UBASH3B: variants seen among roughly 807,000 people sequenced by gnomAD.
The protein encoded by UBASH3B is ubiquitin-associated and SH3 domain-containing protein B.
Under a neutral mutation model 83.4 loss-of-function variants are expected in UBASH3B, and 37 were observed. The observed-to-expected ratio is 0.44, with a 90% CI of 0.34 to 0.58. UBASH3B has a LOEUF of 0.58. UBASH3B is among the 20% of genes least tolerant of loss of function. UBASH3B has a pLI of 0.01. For missense variants in UBASH3B, 657 were observed against 827.2 expected (o/e 0.79, Z 2.52); for synonymous variants, 304 against 318.3 (o/e 0.96, Z 0.48).
chr11:122,664,738 T>C (rs1863491253), intron 1 of UBASH3B, among the ~76,000 whole-genome samples: 1 of 152,248 alleles, frequency 6.6e-6, no homozygotes, highest in South Asian at 2.1e-4. Flanking sequence ...TGAAGTGTCC[T>C]AGATGAACAT....
At chr11:122,713,247 T>C (rs116722852) in intron 1 of UBASH3B, among the ~76,000 whole-genome samples, 2,482 of 152,182 alleles carry the variant, frequency 0.016, 77 homozygotes, top group African/African-American at 0.055. Flanking sequence ...GAGGCTCACA[T>C]GGGATGAAGC....
At chr11:122,795,709 C>T (rs1861142686) in intron 7 of UBASH3B, among the ~76,000 whole-genome samples, 1 of 152,248 alleles carries the variant, frequency 6.6e-6, no homozygotes, top group African/African-American at 2.4e-5. Context: ...GGTCTGTCCA[C>T]ACACTTTAGA....
intron 4 of UBASH3B, 31 bp downstream of exon 4, chr11:122,779,726 GC>G (rs1860816968): frequency 4.3e-6 from 7 of 1,612,892 alleles, no homozygotes; most frequent in Non-Finnish European, 5.9e-6. Context: ...CCAGCCCTGG[GC>G]CCTGTCAATC....
intron 1 of UBASH3B, among the ~76,000 whole-genome samples, chr11:122,684,496 G>T (rs1193190481): frequency 5.3e-5 from 8 of 152,192 alleles, no homozygotes; most frequent in Non-Finnish European, 8.8e-5. Context: ...CCTGGAAGGG[G>T]TGACATATTA....
At chr11:122,763,439 G>C (rs2135978411) in intron 1 of UBASH3B, among the ~76,000 whole-genome samples, 1 of 152,312 alleles carries the variant, frequency 6.6e-6, no homozygotes, top group African/African-American at 2.4e-5. Context: ...CTCTTTATGG[G>C]TTGGAAAGCA....
At chr11:122,799,867 G>A (rs1235717404) in intron 10 of UBASH3B, among the ~76,000 whole-genome samples, 2 of 152,180 alleles carry the variant, frequency 1.3e-5, no homozygotes, top group African/African-American at 4.8e-5. Context: ...AAAGCAACAG[G>A]ATTAGACTGT....
At chr11:122,674,828 A>G (rs1241124440) in intron 1 of UBASH3B, among the ~76,000 whole-genome samples, 1 of 149,100 alleles carries the variant, frequency 6.7e-6, no homozygotes, top group African/African-American at 2.5e-5. Context: ...TTTTGGGTTC[A>G]AGCGATTCTC....
In UBASH3B at chr11:122,733,114, A is replaced by G. The variant is rs182577862; in HGVS notation, c.162-43105A>G. 2.0e-4 allele frequency among the ~76,000 whole-genome samples: 31 copies of G among 152,320 alleles called. No individual in the cohort carries two copies. The East Asian group carries it at 5.6e-3, about 27-fold the overall frequency. ...TCGAAGCCTTTGTGCTAAACAGAAA[A>G]TGCCAAAGGTCTTTGGATATGGGGA... On this transcript the variant is annotated intron_variant, in intron 1 of 13. Coordinates refer to ENST00000284273, the MANE Select transcript of UBASH3B (RefSeq NM_032873.5).
chr11:122,735,430 G>C (rs1860916311), intron 1 of UBASH3B, among the ~76,000 whole-genome samples: 1 of 152,168 alleles, frequency 6.6e-6, no homozygotes, highest in Non-Finnish European at 1.5e-5. Context: ...TGCAATGCTA[G>C]ATGAACAGGA....
intron 1 of UBASH3B, among the ~76,000 whole-genome samples, chr11:122,684,554 G>C (rs1241129389): frequency 6.6e-6 from 1 of 152,166 alleles, no homozygotes; most frequent in Non-Finnish European, 1.5e-5. Context: ...ATTTGGTTCA[G>C]TTTCCTGAAT....
chr11:122,777,228 C>G lies in UBASH3B; in HGVS notation c.402+18C>G. ...TCTTTATGGTGAGCGGCAGCGCCCC[C>G]ACCCCTGGGAAGCCTGGCTCCTAGG... On this transcript the variant is annotated intron_variant, in intron 3 of 13. Coordinates refer to ENST00000284273, the MANE Select transcript of UBASH3B (RefSeq NM_032873.5). 2 of 1,598,208 alleles carry G rather than the reference C, an allele frequency of 1.3e-6. No individual in the cohort carries two copies. The highest frequency in any genetic ancestry group is 1.7e-6 in the Non-Finnish European group (2 of 1,171,282).
chr11:122,715,464 G>A (rs904926161), intron 1 of UBASH3B, among the ~76,000 whole-genome samples: 10 of 152,342 alleles, frequency 6.6e-5, no homozygotes, highest in Admixed American at 6.5e-4. Flanking sequence ...AATCCAGAAA[G>A]CTTCTGAATC....
intron 1 of UBASH3B, among the ~76,000 whole-genome samples, chr11:122,716,813 G>T (rs537918515): frequency 2.0e-5 from 3 of 152,010 alleles, no homozygotes; most frequent in Non-Finnish European, 4.4e-5. Flanking sequence ...AAAGAGGGGA[G>T]CCCCAGAAAG....
intron 1 of UBASH3B, among the ~76,000 whole-genome samples, chr11:122,705,564 C>T (rs185814123): frequency 8.5e-5 from 13 of 152,166 alleles, no homozygotes; most frequent in African/African-American, 2.6e-4. Flanking sequence ...TCCCTTTACA[C>T]GCTATGACAG....
intron 1 of UBASH3B, among the ~76,000 whole-genome samples, chr11:122,748,762 C>G (rs1861158857): frequency 1.3e-5 from 2 of 152,172 alleles, no homozygotes; most frequent in South Asian, 4.1e-4. Flanking sequence ...ACTCTAAGCG[C>G]CTACCAACCC....
At chr11:122,792,075 C>T (rs75052845) in intron 6 of UBASH3B, among the ~76,000 whole-genome samples, 4,099 of 152,244 alleles carry the variant, frequency 0.027, 141 homozygotes, top group African/African-American at 0.081. Flanking sequence ...GGCAGCTCCA[C>T]GCTGTCTCAG....
intron 1 of UBASH3B, among the ~76,000 whole-genome samples, chr11:122,771,689 A>G (rs537574704): frequency 6.6e-6 from 1 of 151,966 alleles, no homozygotes; most frequent in Non-Finnish European, 1.5e-5. Flanking sequence ...TTTATTTAGT[A>G]GTTAGATCTA....
chr11:122,668,240 G>A lies in UBASH3B; in HGVS notation c.161+12030G>A, dbSNP rs544520187. On this transcript the variant is annotated intron_variant, in intron 1 of 13. Coordinates refer to ENST00000284273, the MANE Select transcript of UBASH3B (RefSeq NM_032873.5). Reference sequence around the variant, plus strand: ...TGACCTCAGGTGATCCTCCCACCTCGGCCTCCCAAAGTGCTGGGATTACAG... The same window carrying A: ...TGACCTCAGGTGATCCTCCCACCTCAGCCTCCCAAAGTGCTGGGATTACAG... 5.1e-3 allele frequency among the ~76,000 whole-genome samples: 773 copies of A among 152,134 alleles called. 11 individuals carry two copies. Among genetic ancestry groups the A allele is most frequent in the Non-Finnish European group, 7.6e-3 (514 of 67,976 alleles).
At chr11:122,713,033 G>A (rs1380993166) in intron 1 of UBASH3B, among the ~76,000 whole-genome samples, 3 of 148,432 alleles carry the variant, frequency 2.0e-5, no homozygotes, top group South Asian at 2.2e-4. Flanking sequence ...TCAGCCTCCC[G>A]AGTAGCTGGG....
Sources: allele counts gnomAD v4.1 joint callset (sites outside exome capture counted in the v4.1 genomes callset), GRCh38; gene constraint gnomAD v4.1.1; transcripts MANE v1.5; gene names NCBI Gene and HGNC (gene_info 2026-07-23, HGNC 2026-07-21).